Variants in FER observed in about 807,000 individuals in gnomAD.
FER encodes the protein tyrosine-protein kinase Fer.
A neutral mutation model predicts 111.0 loss-of-function variants in FER; 63 were observed. That is an observed-to-expected ratio of 0.57 (90% CI 0.46 to 0.70). FER has a LOEUF of 0.70. Among genes scored for constraint, FER ranks in the 30% least tolerant of loss-of-function variants. FER has a pLI of 0.00. For missense variants in FER, 914 were observed against 954.0 expected, an observed-to-expected ratio of 0.96 and a Z score of 0.55; for synonymous variants, 327 against 313.9, an observed-to-expected ratio of 1.04 and a Z score of -0.44.
chr5:108,976,546 C>T (rs996589571), intron 13 of FER, among the ~76,000 whole-genome samples: 2 of 152,090 alleles, frequency 1.3e-5, no homozygotes, highest in African/African-American at 2.4e-5. Flanking sequence ...TGCTGACCCC[C>T]TGCATAGTCA....
chr5:109,060,388 C>T (rs1024587682), intron 16 of FER, among the ~76,000 whole-genome samples: 1 of 152,168 alleles, frequency 6.6e-6, no homozygotes, highest in Non-Finnish European at 1.5e-5. Context: ...TGAACTTACT[C>T]AACTTACTTT....
chr5:109,020,752 G>T (rs1767813061), intron 13 of FER, among the ~76,000 whole-genome samples: 1 of 152,016 alleles, frequency 6.6e-6, no homozygotes, highest in Non-Finnish European at 1.5e-5. Context: ...TATGAACACT[G>T]TAAAAAGACC....
intron 13 of FER, among the ~76,000 whole-genome samples, chr5:109,004,764 G>C (rs1765274673): frequency 6.6e-6 from 1 of 151,972 alleles, no homozygotes; most frequent in African/African-American, 2.4e-5. Context: ...AAAGTATGTT[G>C]GTTTGGAACC....
intron 16 of FER, among the ~76,000 whole-genome samples, chr5:109,064,517 A>G (rs2149975773): frequency 6.6e-6 from 1 of 152,318 alleles, no homozygotes; most frequent in East Asian, 1.9e-4. Flanking sequence ...AAGAGTGCCA[A>G]GGGATTTTTT....
chr5:108,828,070 A>G (rs936387716), intron 3 of FER, among the ~76,000 whole-genome samples: 5 of 152,040 alleles, frequency 3.3e-5, no homozygotes. Context: ...CTGTCTTGCT[A>G]CATTGCCCAG....
intron 9 of FER, among the ~76,000 whole-genome samples, chr5:108,893,496 A>G (rs548441848): frequency 3.9e-5 from 6 of 152,098 alleles, no homozygotes; most frequent in East Asian, 3.9e-4. Flanking sequence ...AGTACATTCT[A>G]TCTTCCTAGA....
chr5:109,103,255 A>G (rs1021025160), intron 17 of FER, among the ~76,000 whole-genome samples: 4 of 152,176 alleles, frequency 2.6e-5, no homozygotes, highest in Non-Finnish European at 5.9e-5. Flanking sequence ...TTTAAATTTT[A>G]TATGAATTTA....
intron 16 of FER, among the ~76,000 whole-genome samples, chr5:109,070,958 A>C (rs1233140885): frequency 6.6e-6 from 1 of 152,018 alleles, no homozygotes; most frequent in African/African-American, 2.4e-5. Context: ...GGTACATATC[A>C]AGTATCTATC....
chr5:109,179,845 C>T (rs561204076), intron 17 of FER, among the ~76,000 whole-genome samples: 1 of 152,158 alleles, frequency 6.6e-6, no homozygotes, highest in South Asian at 2.1e-4. Context: ...GGTCCTGGAA[C>T]CAATCATGGA....
In FER at chr5:109,037,355, C is replaced by G; in HGVS notation, c.1657-67C>G. ...TCCCTTTAGGTCGACTTTCCACTGGCTCAAATGCAACTTCAAGAAGTGTAC... is the reference window on the plus strand; with the variant it reads ...TCCCTTTAGGTCGACTTTCCACTGGGTCAAATGCAACTTCAAGAAGTGTAC... On this transcript the variant is annotated intron_variant, in intron 13 of 19. Coordinates refer to ENST00000281092, the MANE Select transcript of FER (RefSeq NM_005246.4). 1.0e-5 allele frequency: 14 copies of G among 1,377,376 alleles called. No homozygotes were observed. The South Asian group carries it at 1.7e-4, about 17-fold the overall frequency. The allele number at this position is 1,377,376 out of a possible 1,614,324, so 85.3% of individuals were successfully genotyped here.
At chr5:108,755,002 G>C (rs1371023143) in intron 1 of FER, among the ~76,000 whole-genome samples, 5 of 152,154 alleles carry the variant, frequency 3.3e-5, no homozygotes, top group Non-Finnish European at 5.9e-5. Flanking sequence ...TGAAACCTTT[G>C]TGAATCTAGG....
At chr5:108,959,626 A>G (rs1329655281) in intron 13 of FER, among the ~76,000 whole-genome samples, 1 of 151,568 alleles carries the variant, frequency 6.6e-6, no homozygotes, top group Non-Finnish European at 1.5e-5. Flanking sequence ...GCTTTTCTTC[A>G]CTTTATAAGG....
At chr5:108,905,379 C>T (rs1445871002) in intron 10 of FER, among the ~76,000 whole-genome samples, 1 of 151,996 alleles carries the variant, frequency 6.6e-6, no homozygotes, top group Non-Finnish European at 1.5e-5. Context: ...TTATGAATTT[C>T]TTAATTTCTT....
intron 16 of FER, among the ~76,000 whole-genome samples, chr5:109,086,667 C>A (rs1777600600): frequency 1.3e-5 from 2 of 151,584 alleles, no homozygotes; most frequent in East Asian, 3.9e-4. Context: ...GTAAATTTCC[C>A]TCCTAGCACT....
intron 17 of FER, among the ~76,000 whole-genome samples, chr5:109,104,147 G>T (rs567168984): frequency 2.0e-5 from 3 of 152,152 alleles, no homozygotes; most frequent in African/African-American, 7.2e-5. Flanking sequence ...ATGTTTGGTT[G>T]CTCTAACACA....
chr5:108,802,732 T>C (rs111995006), intron 3 of FER, among the ~76,000 whole-genome samples: 86 of 152,238 alleles, frequency 5.6e-4, no homozygotes, highest in African/African-American at 1.6e-3. Context: ...GGTGCATATG[T>C]GCTGCATTTT....
At chr5:109,119,478 A>G (rs796598162) in intron 17 of FER, among the ~76,000 whole-genome samples, 39 of 152,212 alleles carry the variant, frequency 2.6e-4, no homozygotes, top group African/African-American at 8.7e-4. Flanking sequence ...AAAAGAATGT[A>G]TATTCTGTTG....
intron 13 of FER, among the ~76,000 whole-genome samples, chr5:109,006,297 T>C (rs184951651): frequency 2.5e-3 from 379 of 152,320 alleles, no homozygotes; most frequent in African/African-American, 8.6e-3. Context: ...GTGGGAGGTA[T>C]CTGGCGGAGG....
At chr5:108,786,546 G>A (rs1195505660) in intron 2 of FER, among the ~76,000 whole-genome samples, 1 of 152,130 alleles carries the variant, frequency 6.6e-6, no homozygotes, top group African/African-American at 2.4e-5. Flanking sequence ...CATCACACAG[G>A]CTGGAGTGCA....
Sources: allele counts gnomAD v4.1 joint callset (sites outside exome capture counted in the v4.1 genomes callset), GRCh38; gene constraint gnomAD v4.1.1; transcripts MANE v1.5; gene names NCBI Gene and HGNC (gene_info 2026-07-23, HGNC 2026-07-21).